Variants in SGCD observed in about 807,000 individuals in gnomAD.
SGCD encodes the protein sarcoglycan delta.
A neutral mutation model predicts 36.6 loss-of-function variants in SGCD; 18 were observed. The observed-to-expected ratio is 0.49, with a 90% CI of 0.34 to 0.73. The LOEUF (loss-of-function observed/expected upper bound fraction) is 0.73. Ranked by LOEUF, SGCD falls within the 30% of genes least tolerant of loss-of-function variation. SGCD has a pLI of 0.01. For missense variants in SGCD, 387 were observed against 346.7 expected, an observed-to-expected ratio of 1.12 and a Z score of -0.92; for synonymous variants, 133 against 130.6, an observed-to-expected ratio of 1.02 and a Z score of -0.12.
intron 3 of SGCD, among the ~76,000 whole-genome samples, chr5:156,472,022 T>C (rs1009946050): frequency 6.6e-6 from 1 of 152,144 alleles, no homozygotes; most frequent in Non-Finnish European, 1.5e-5. Context: ...CTCAACATCA[T>C]TACTCATTAG....
intron 6 of SGCD, among the ~76,000 whole-genome samples, chr5:156,609,662 C>T (rs1277132769): frequency 6.6e-6 from 1 of 152,144 alleles, no homozygotes; most frequent in African/African-American, 2.4e-5. Context: ...TTCCATTCTC[C>T]CCGTCACTTT....
chr5:155,809,639 G>A, the SGCD span, among the ~76,000 whole-genome samples: 6 of 152,142 alleles, frequency 3.9e-5, no homozygotes, highest in South Asian at 6.2e-4. Flanking sequence ...CAGGGAAAAA[G>A]AGCAAAGAGA....
chr5:156,621,880 G>A (rs1176784958), intron 6 of SGCD, among the ~76,000 whole-genome samples: 1 of 152,162 alleles, frequency 6.6e-6, no homozygotes, highest in Non-Finnish European at 1.5e-5. Context: ...TGTGTCTTGA[G>A]TCTCAGGACA....
chr5:156,758,604 T>C (rs1436707255), intron 8 of SGCD, among the ~76,000 whole-genome samples: 1 of 152,150 alleles, frequency 6.6e-6, no homozygotes. Context: ...CACACACATA[T>C]AAAAATAGTG....
At chr5:155,908,044 C>T (rs1049928488) in intron 1 of SGCD, among the ~76,000 whole-genome samples, 1 of 152,154 alleles carries the variant, frequency 6.6e-6, no homozygotes, top group Non-Finnish European at 1.5e-5. Context: ...GACATTGAGG[C>T]AAGACCCTCT....
At chr5:156,290,287 C>T (rs1467944341) in intron 3 of SGCD, among the ~76,000 whole-genome samples, 1 of 152,068 alleles carries the variant, frequency 6.6e-6, no homozygotes, top group East Asian at 1.9e-4. Context: ...AAGGCTAACC[C>T]CAAAGCCCAT....
chr5:156,544,450 C>T (rs552122858), intron 4 of SGCD, among the ~76,000 whole-genome samples: 1 of 152,268 alleles, frequency 6.6e-6, no homozygotes, highest in Non-Finnish European at 1.5e-5. Context: ...AATTGCCACT[C>T]AGCCATAAGC....
At chr5:156,608,058 ATCTTAGT>A (rs1197387039) in intron 6 of SGCD, among the ~76,000 whole-genome samples, 3 of 151,936 alleles carry the variant, frequency 2.0e-5, no homozygotes, top group African/African-American at 7.3e-5. Flanking sequence ...TTCTGCTCTG[ATCTTAGT>A]TATTTCTTGC....
intron 3 of SGCD, among the ~76,000 whole-genome samples, chr5:156,189,556 C>T (rs748241228): frequency 1.3e-5 from 2 of 151,728 alleles, no homozygotes; most frequent in Non-Finnish European, 2.9e-5. Context: ...GGGAGAGAGC[C>T]TCTATTACTA....
chr5:156,099,086 G>T (rs186695223), intron 1 of SGCD, among the ~76,000 whole-genome samples: 80 of 152,308 alleles, frequency 5.3e-4, no homozygotes, highest in Middle Eastern at 3.4e-3. Context: ...CACCAGATCT[G>T]CATAGCCTTC....
intron 3 of SGCD, among the ~76,000 whole-genome samples, chr5:156,278,558 A>T (rs1766376133): frequency 6.6e-6 from 1 of 152,188 alleles, no homozygotes; most frequent in Non-Finnish European, 1.5e-5. Context: ...AGACAGAAGT[A>T]AATAGGAGGA....
the SGCD span, among the ~76,000 whole-genome samples, chr5:155,733,097 G>A: frequency 7.3e-5 from 11 of 150,402 alleles, no homozygotes; most frequent in Admixed American, 4.6e-4. Context: ...ATGAGTGTCG[G>A]CATTTGTACT....
chr5:156,256,666 T>C (rs868522597), intron 3 of SGCD, among the ~76,000 whole-genome samples: 20 of 152,208 alleles, frequency 1.3e-4, no homozygotes, highest in African/African-American at 4.6e-4. Context: ...TTTTAATTTA[T>C]TTGTGTAAAC....
chr5:156,153,316 C>T (rs1762872502), intron 3 of SGCD, among the ~76,000 whole-genome samples: 1 of 150,874 alleles, frequency 6.6e-6, no homozygotes, highest in South Asian at 2.1e-4. Flanking sequence ...GTATGGAAAT[C>T]CAGGCTGTGA....
intron 7 of SGCD, among the ~76,000 whole-genome samples, chr5:156,715,206 G>A (rs939502988): frequency 1.3e-5 from 2 of 152,182 alleles, no homozygotes; most frequent in African/African-American, 2.4e-5. Flanking sequence ...AAAGGGGAAA[G>A]TAGGAAATAG....
chr5:156,409,894 C>A (rs1772648701), intron 3 of SGCD, among the ~76,000 whole-genome samples: 1 of 152,020 alleles, frequency 6.6e-6, no homozygotes. Flanking sequence ...ATTTTTCTTT[C>A]CTCCAGTCTT....
chr5:155,827,845 ATTTT>A, the SGCD span, among the ~76,000 whole-genome samples: 1 of 124,934 alleles, frequency 8.0e-6, no homozygotes, highest in African/African-American at 3.0e-5. Context: ...CACCTGGCTA[ATTTT>A]TTTTTTTTTT....
chr5:156,263,017 T>A (rs945081622), intron 3 of SGCD, among the ~76,000 whole-genome samples: 12 of 152,092 alleles, frequency 7.9e-5, no homozygotes, highest in African/African-American at 2.7e-4. Flanking sequence ...ATTTTGGATG[T>A]TTCCATATTT....
intron 6 of SGCD, among the ~76,000 whole-genome samples, chr5:156,638,583 T>C (rs32063): frequency 0.25 from 37,365 of 152,136 alleles, 4,841 homozygotes; most frequent in African/African-American, 0.34. Context: ...AATTTTCCAT[T>C]AGTGTTAAAC....
Sources: gnomAD v4.1 joint callset for allele counts (sites outside exome capture counted in the v4.1 genomes callset) on GRCh38, gnomAD v4.1.1 for gene constraint, MANE v1.5 for transcripts, NCBI Gene and HGNC (gene_info 2026-07-23, HGNC 2026-07-21) for gene names.